PLA1A: variants seen among roughly 807,000 people sequenced by gnomAD.
The protein encoded by PLA1A is phospholipase A1 member A.
A neutral mutation model predicts 49.4 loss-of-function variants in PLA1A; 47 were observed. The observed-to-expected ratio is 0.95, with a 90% CI of 0.75 to 1.21. The LOEUF is 1.21. Ranked by LOEUF, PLA1A falls within the 50% of genes most tolerant of loss-of-function variation. The probability of loss-of-function intolerance (pLI) is 0.00; values close to 1 mark genes in which losing one functional copy is unlikely to be tolerated. For missense variants in PLA1A, 561 were observed against 563.9 expected, an observed-to-expected ratio of 0.99 and a Z score of 0.05; for synonymous variants, 224 against 207.9, an observed-to-expected ratio of 1.08 and a Z score of -0.67.
intron 7 of PLA1A, among the ~76,000 whole-genome samples, chr3:119,618,427 C>A (rs369101434): frequency 4.6e-5 from 7 of 152,300 alleles, no homozygotes; most frequent in African/African-American, 1.7e-4. Context: ...ACACCCTTCC[C>A]ACATACAGGT....
At chr3:119,624,782 C>T (rs1170501575) in intron 8 of PLA1A, among the ~76,000 whole-genome samples, 1 of 152,158 alleles carries the variant, frequency 6.6e-6, no homozygotes, top group Non-Finnish European at 1.5e-5. Flanking sequence ...AGGCACCCGC[C>T]ACCACACCTG....
chr3:119,628,387 G>A (rs990121506), intron 9 of PLA1A, among the ~76,000 whole-genome samples: 1 of 152,282 alleles, frequency 6.6e-6, no homozygotes, highest in Admixed American at 6.5e-5. Flanking sequence ...ATCTGAAGGT[G>A]AAGATCTCCT....
At position 119,621,604 on chromosome 3, in the gene PLA1A, C is replaced by G. The variant is rs557317295; in HGVS notation, c.1012+1952C>G. ...CTTCTACCAAATAATAATTTTTAAA[C>G]AATATATTCCCTCATAGAACAGTTT... On this transcript the variant is annotated intron_variant, in intron 8 of 10. Coordinates refer to ENST00000273371, the MANE Select transcript of PLA1A (RefSeq NM_015900.4). Among the ~76,000 whole-genome samples the G allele has an allele frequency of 2.0e-5, 3 of 152,342 alleles. No individual in the cohort carries two copies. The East Asian group carries it at 5.8e-4, about 29-fold the overall frequency.
intron 4 of PLA1A, among the ~76,000 whole-genome samples, chr3:119,612,551 C>T (rs1020931636): frequency 1.1e-4 from 16 of 151,840 alleles, no homozygotes; most frequent in Non-Finnish European, 2.1e-4. Flanking sequence ...TGCAGTGGCG[C>T]GATCTTGGCT....
intron 2 of PLA1A, among the ~76,000 whole-genome samples, chr3:119,608,228 GAGAGAAAGAAAGAGAGAAAGAA>G (rs2082715915): frequency 1.9e-5 from 2 of 106,502 alleles, no homozygotes; most frequent in Admixed American, 2.0e-4. Context: ...GAAAGAAAGA[GAGAGAAAGAAAGAGAGAAAGAA>G]AGAAAGAAAG....
At chr3:119,628,008 G>T (rs1282296886) in intron 9 of PLA1A, among the ~76,000 whole-genome samples, 1 of 103,348 alleles carries the variant, frequency 9.7e-6, no homozygotes, top group Admixed American at 8.7e-5. Context: ...AAGGGAATCT[G>T]GGGGGGCAAA....
intron 4 of PLA1A, among the ~76,000 whole-genome samples, chr3:119,611,610 T>C (rs376766517): frequency 6.6e-6 from 1 of 152,162 alleles, no homozygotes; most frequent in African/African-American, 2.4e-5. Context: ...TTTATTTTTG[T>C]GTGTGACTAT....
chr3:119,610,526 G>A (rs2082751037), intron 4 of PLA1A, among the ~76,000 whole-genome samples: 1 of 152,012 alleles, frequency 6.6e-6, no homozygotes, highest in African/African-American at 2.4e-5. Flanking sequence ...GCAATTCTGA[G>A]TGGTGTGAGA....
intron 1 of PLA1A, among the ~76,000 whole-genome samples, chr3:119,598,904 T>C (rs11710365): frequency 0.044 from 6,756 of 152,244 alleles, 208 homozygotes; most frequent in Non-Finnish European, 0.063. Context: ...CTTGCACTCA[T>C]GGGTGGTTTT....
chr3:119,609,393 T>A (rs994407113), intron 3 of PLA1A, 75 bp from the exon 4 acceptor site: 15 of 935,330 alleles, frequency 1.6e-5, no homozygotes, highest in Non-Finnish European at 2.5e-5. Context: ...TTCTGAAGCT[T>A]TGGGGGAAAG....
At chr3:119,617,046 C>T (rs2082857459) in intron 6 of PLA1A, among the ~76,000 whole-genome samples, 1 of 152,198 alleles carries the variant, frequency 6.6e-6, no homozygotes. Context: ...AACGAGGTCT[C>T]AAGGTGCAGG....
chr3:119,623,491 A>G (rs2107799102), intron 8 of PLA1A, among the ~76,000 whole-genome samples: 1 of 152,126 alleles, frequency 6.6e-6, no homozygotes, highest in South Asian at 2.1e-4. Context: ...AGCAGGTCCC[A>G]GGGGTATCAC....
In PLA1A at chr3:119,607,077, A is replaced by C. The variant is rs1187171526; in HGVS notation, c.275+102A>C. On this transcript the variant is annotated intron_variant, in intron 2 of 10. Transcript: ENST00000273371. ...CAACAAGGGGAGGAATGAATTTACC[A>C]ATGGCCACATGTTCCATCCCTCATA... 5.5e-6 allele frequency: 5 copies of C among 903,268 alleles called. No homozygotes were observed. The East Asian group carries it at 1.2e-4, about 22-fold the overall frequency. The allele number at this position is 903,268 out of a possible 1,614,324, so 56.0% of individuals were successfully genotyped here.
chr3:119,608,299 A>AG (rs1263528357), intron 2 of PLA1A, among the ~76,000 whole-genome samples: 6 of 150,574 alleles, frequency 4.0e-5, no homozygotes, highest in South Asian at 2.1e-4. Flanking sequence ...AAAGAAAGAA[A>AG]AAGAAAATGT....
At chr3:119,624,090 T>G (rs1012269504) in intron 8 of PLA1A, among the ~76,000 whole-genome samples, 2 of 152,224 alleles carry the variant, frequency 1.3e-5, no homozygotes, top group Non-Finnish European at 2.9e-5. Flanking sequence ...TACCTGAGAC[T>G]GGGTAACTTA....
rs753856678 is a variant in PLA1A, at chr3:119,616,065, C to T, written c.718C>T (p.Gln240Ter). The change falls in exon 6 of 11, where the codon CAA becomes TAA. Residue 240 changes from glutamine (Q) to a stop codon, truncating the protein, a stop_gained. Transcript: ENST00000273371. LOFTEE classifies it high-confidence loss of function. Reference protein sequence around the residue: ...GHVDYFVNGGQDQPGCPTFFY... With the variant: ...GHVDYFVNGG ...TGTGGACTACTTCGTCAACGGAGGC[C>T]AAGACCAACCTGGCTGCCCCACCTT... The T allele has an allele frequency of 6.2e-7, 1 of 1,613,522 alleles. No individual in the cohort carries two copies. The highest frequency in any genetic ancestry group is 1.7e-5 in the Admixed American group (1 of 60,030).
At chr3:119,626,148 A>C (rs1349203483) in intron 9 of PLA1A, among the ~76,000 whole-genome samples, 1 of 152,142 alleles carries the variant, frequency 6.6e-6, no homozygotes, top group Non-Finnish European at 1.5e-5. Context: ...ACAAAGCAGG[A>C]GTGGAGTTGG....
intron 1 of PLA1A, among the ~76,000 whole-genome samples, chr3:119,599,615 A>G (rs925826706): frequency 1.3e-5 from 2 of 152,210 alleles, no homozygotes; most frequent in Non-Finnish European, 2.9e-5. Flanking sequence ...AGAAATTCTG[A>G]ACCAGATAGC....
At chr3:119,619,208 C>T (rs894338328) in intron 7 of PLA1A, among the ~76,000 whole-genome samples, 45 of 152,208 alleles carry the variant, frequency 3.0e-4, no homozygotes, top group African/African-American at 9.4e-4. Flanking sequence ...AGGTCAAACA[C>T]TTCCTGCTTC....
Sources: allele counts gnomAD v4.1 joint callset (sites outside exome capture counted in the v4.1 genomes callset), GRCh38; gene constraint gnomAD v4.1.1; transcripts MANE v1.5; gene names NCBI Gene and HGNC (gene_info 2026-07-23, HGNC 2026-07-21).